The following TTC6 variants were observed in gnomAD, a reference collection of about 807,000 sequenced individuals.
The protein encoded by TTC6 is tetratricopeptide repeat domain 6, also known as tetratricopeptide repeat protein 6.
TTC6 carries 172 observed loss-of-function variants against 210.4 expected under a neutral mutation model. The ratio of observed to expected loss-of-function variants is 0.82; its 90% CI spans 0.72 to 0.93. TTC6 has a LOEUF of 0.93. TTC6 is among the 40% of genes least tolerant of loss of function. The pLI, the probability that TTC6 is intolerant of heterozygous loss-of-function variation, is 0.00. For synonymous variants in TTC6, 804 were observed against 819.6 expected, an observed-to-expected ratio of 0.98 and a Z score of 0.32; for missense variants, 2,414 against 2,318.1, an observed-to-expected ratio of 1.04 and a Z score of -0.85.
chr14:37,622,871 C>G, exon 1 of TTC6: 1 of 1,534,986 alleles, frequency 6.5e-7, no homozygotes, highest in Non-Finnish European at 8.7e-7. Flanking sequence ...CGCTGCTGCC[C>G]TCCCGCGTGA....
chr14:37,833,254 C>G (rs1287179792), intron 29 of TTC6, among the ~76,000 whole-genome samples: 2 of 152,074 alleles, frequency 1.3e-5, no homozygotes, highest in Non-Finnish European at 2.9e-5. Context: ...CTAGCTCTCT[C>G]TCTTTACCTA....
At chr14:37,688,031 T>G (rs1308005376) in intron 3 of TTC6, among the ~76,000 whole-genome samples, 1 of 152,078 alleles carries the variant, frequency 6.6e-6, no homozygotes, top group Non-Finnish European at 1.5e-5. Context: ...TGTACACCAT[T>G]TCTGGACCTG....
At chr14:37,794,616 T>A (rs2096088081) in intron 17 of TTC6, among the ~76,000 whole-genome samples, 2 of 151,348 alleles carry the variant, frequency 1.3e-5, no homozygotes, top group Non-Finnish European at 2.9e-5. Context: ...ATCATTTTTT[T>A]ATTTTGTTAT....
intron 7 of TTC6, among the ~76,000 whole-genome samples, chr14:37,725,921 C>CT (rs1374748914): frequency 3.3e-5 from 5 of 151,900 alleles, no homozygotes; most frequent in African/African-American, 1.2e-4. Flanking sequence ...AATGATTACT[C>CT]TCATTTTATG....
chr14:37,659,211 T>A (rs1486412738), intron 1 of TTC6, among the ~76,000 whole-genome samples: 2 of 152,178 alleles, frequency 1.3e-5, no homozygotes, highest in Admixed American at 1.3e-4. Context: ...ATTCCATGTA[T>A]TTGCTATTGT....
intron 14 of TTC6, among the ~76,000 whole-genome samples, chr14:37,772,855 A>C (rs61977138): frequency 0.24 from 36,961 of 152,058 alleles, 4,755 homozygotes; most frequent in South Asian, 0.29. Context: ...ACAATGGCTT[A>C]ACTAGTTTAC....
intron 1 of TTC6, among the ~76,000 whole-genome samples, chr14:37,600,461 G>A (rs981987610): frequency 5.3e-5 from 8 of 152,092 alleles, no homozygotes; most frequent in African/African-American, 1.9e-4. Flanking sequence ...CTCCGTCCCA[G>A]GCCGGCCAGC....
intron 14 of TTC6, among the ~76,000 whole-genome samples, chr14:37,781,686 C>T (rs906567992): frequency 2.0e-5 from 3 of 152,248 alleles, no homozygotes; most frequent in East Asian, 1.9e-4. Flanking sequence ...GTGTTTTAGA[C>T]GTGAAATCCT....
intron 22 of TTC6, 58 bp from the exon 25 acceptor site, chr14:37,807,262 A>C: frequency 7.2e-7 from 1 of 1,383,558 alleles, no homozygotes; most frequent in Non-Finnish European, 9.6e-7. Context: ...ATATTTTGGT[A>C]GAATTGGTGC....
intron 1 of TTC6, among the ~76,000 whole-genome samples, chr14:37,644,736 T>G (rs1051020760): frequency 6.6e-6 from 1 of 152,210 alleles, no homozygotes; most frequent in African/African-American, 2.4e-5. Flanking sequence ...TGCTTGGCAC[T>G]AAGTATGGAA....
chr14:37,725,348 A>ATATGTATATATATATATATATG (rs754853973), intron 7 of TTC6, among the ~76,000 whole-genome samples: 1 of 113,296 alleles, frequency 8.8e-6, no homozygotes, highest in Non-Finnish European at 1.8e-5. Flanking sequence ...ATATATATAT[A>ATATGTATATATATATATATATG]TATATATATA....
intron 14 of TTC6, among the ~76,000 whole-genome samples, chr14:37,780,202 C>A (rs2096050407): frequency 6.6e-6 from 1 of 152,134 alleles, no homozygotes; most frequent in Non-Finnish European, 1.5e-5. Context: ...ATACAAAGCT[C>A]TTCTATTTAT....
At chr14:37,610,302 C>T (rs917136410) in intron 2 of TTC6, among the ~76,000 whole-genome samples, 1 of 152,204 alleles carries the variant, frequency 6.6e-6, no homozygotes. Flanking sequence ...CCTCTTCCAG[C>T]ACAGATCTCA....
At chr14:37,781,318 A>T (rs2096054144) in intron 14 of TTC6, among the ~76,000 whole-genome samples, 1 of 152,152 alleles carries the variant, frequency 6.6e-6, no homozygotes, top group African/African-American at 2.4e-5. Flanking sequence ...AATGATTGTC[A>T]TTCTAACTGG....
exon 1 of TTC6, chr14:37,622,332 C>T (rs945620877): frequency 6.5e-7 from 1 of 1,532,942 alleles, no homozygotes; most frequent in African/African-American, 1.4e-5. Flanking sequence ...GGCCGCCCTC[C>T]TGCAGGAGGT....
chr14:37,804,942 T>G, intron 21 of TTC6, 128 bp downstream of exon 23: 1 of 961,194 alleles, frequency 1.0e-6, no homozygotes, highest in Non-Finnish European at 1.6e-6. Flanking sequence ...AAGCTTGGCT[T>G]GTTATAGTCA....
At chr14:37,772,591 C>T (rs111650909) in intron 14 of TTC6, 25,056 of 152,968 alleles carry the variant, frequency 0.16, 2,213 homozygotes, top group East Asian at 0.34. Context: ...TCACCCCTTT[C>T]TTTGACTAGG....
exon 16 of TTC6, chr14:37,790,816 A>G: frequency 6.5e-7 from 1 of 1,534,136 alleles, no homozygotes; most frequent in Middle Eastern, 1.7e-4. Flanking sequence ...TGTGACTTTG[A>G]AACTGTCATT....
At chr14:37,671,662 CAT>C (rs1391343338) in intron 1 of TTC6, among the ~76,000 whole-genome samples, 8 of 152,226 alleles carry the variant, frequency 5.3e-5, no homozygotes, top group Non-Finnish European at 8.8e-5. Context: ...TTTGAGAAGA[CAT>C]AGCAAATATG....
Sources: gnomAD v4.1 joint callset for allele counts (sites outside exome capture counted in the v4.1 genomes callset) on GRCh38, gnomAD v4.1.1 for gene constraint, MANE v1.5 for transcripts, NCBI Gene and HGNC (gene_info 2026-07-23, HGNC 2026-07-21) for gene names.